The following RABEP1 variants were observed in gnomAD, a reference collection of about 807,000 sequenced individuals.
RABEP1 encodes rab GTPase-binding effector protein 1.
RABEP1 carries 51 observed loss-of-function variants against 123.4 expected under a neutral mutation model. The observed-to-expected ratio is 0.41, with a 90% CI of 0.33 to 0.52. RABEP1 has a LOEUF of 0.52. Among genes scored for constraint, RABEP1 ranks in the 20% least tolerant of loss-of-function variants. The pLI, the probability that RABEP1 is intolerant of heterozygous loss-of-function variation, is 0.16. For synonymous variants in RABEP1, 347 were observed against 355.2 expected (o/e 0.98, Z 0.26); for missense variants, 888 against 996.3 (o/e 0.89, Z 1.46).
chr17:5,299,786 A>G (rs1482126547), intron 1 of RABEP1, among the ~76,000 whole-genome samples: 2 of 133,310 alleles, frequency 1.5e-5, no homozygotes, highest in Non-Finnish European at 3.1e-5. Context: ...CTGGAGTGCA[A>G]TGGCGTGATC....
intron 6 of RABEP1, among the ~76,000 whole-genome samples, chr17:5,348,497 T>C (rs1908260023): frequency 6.6e-6 from 1 of 151,642 alleles, no homozygotes; most frequent in Non-Finnish European, 1.5e-5. Context: ...GACATAGAGG[T>C]CTTATGCTAA....
intron 2 of RABEP1, among the ~76,000 whole-genome samples, chr17:5,318,966 C>T (rs1261300017): frequency 2.6e-5 from 4 of 152,158 alleles, no homozygotes; most frequent in African/African-American, 7.2e-5. Context: ...CTGATTTGAT[C>T]ATTTCACAAT....
chr17:5,386,179 T>C lies in RABEP1; in HGVS notation c.*2956T>C. ...GTTTAAGCCTTCAATGGTGTTCAGTTCAGGTGTGAGTCAGCTCCTGGTGGT... is the reference window on the plus strand; with the variant it reads ...GTTTAAGCCTTCAATGGTGTTCAGTCCAGGTGTGAGTCAGCTCCTGGTGGT... On this transcript the variant is annotated 3_prime_UTR_variant, in exon 18 of 18. Coordinates refer to ENST00000537505, the MANE Select transcript of RABEP1 (RefSeq NM_004703.6). The C allele has an allele frequency of 6.3e-7, 1 of 1,580,566 alleles. No individual in the cohort carries two copies. Among genetic ancestry groups the C allele is most frequent in the Non-Finnish European group, 8.7e-7 (1 of 1,152,768 alleles).
Position 5,385,046 on chromosome 17 carries a change from TTTTTCTCCAGAA to T in RABEP1, c.*1824_*1835del, listed in dbSNP as rs1911835021. On this transcript the variant is annotated 3_prime_UTR_variant, in exon 18 of 18. Coordinates refer to ENST00000537505, the MANE Select transcript of RABEP1 (RefSeq NM_004703.6). ...GCTGAGACTGAGCACCTTACAGATA[TTTTTCTCCAGAA>T]GATGGTGCTGGGTAATAAAATCATC... The T allele has an allele frequency of 4.4e-6, 1 of 228,422 alleles. No individual in the cohort carries two copies. The highest frequency in any genetic ancestry group is 1.8e-4 in the South Asian group (1 of 5,476). 14.1% of individuals were successfully genotyped at this position (228,422 alleles called of 1,614,324 possible).
At chr17:5,323,038 G>T (rs1346179496) in intron 2 of RABEP1, among the ~76,000 whole-genome samples, 2 of 152,096 alleles carry the variant, frequency 1.3e-5, no homozygotes, top group Non-Finnish European at 2.9e-5. Context: ...TTATGCCACT[G>T]CACTCCAGCC....
At chr17:5,377,711 A>G (rs1911118123) in intron 14 of RABEP1, among the ~76,000 whole-genome samples, 1 of 151,970 alleles carries the variant, frequency 6.6e-6, no homozygotes, top group African/African-American at 2.4e-5. Context: ...TATTTTTAGT[A>G]GAGACGGGTT....
intron 2 of RABEP1, among the ~76,000 whole-genome samples, chr17:5,324,507 A>G (rs1245695581): frequency 6.6e-6 from 1 of 152,236 alleles, no homozygotes; most frequent in African/African-American, 2.4e-5. Flanking sequence ...TGGGAAACAG[A>G]CATTGGTCTG....
chr17:5,299,914 G>T (rs145594169), intron 1 of RABEP1, among the ~76,000 whole-genome samples: 1 of 151,488 alleles, frequency 6.6e-6, no homozygotes, highest in Non-Finnish European at 1.5e-5. Flanking sequence ...ATTTTTAGTA[G>T]AGATGGGGTT....
rs760895226 is a variant in RABEP1 at position 5,331,930 on chromosome 17, CTT to C, written c.164-16_164-15del. The stretch of plus-strand genomic sequence containing the variant: ...ATCAAAGTGAACATTAATGGACTAT[CTT>C]TTACTTTTCTCTCCAGAGGATCTGA... On this transcript the variant is annotated splice_polypyrimidine_tract_variant and intron_variant, in intron 2 of 17. Transcript: ENST00000537505. 6.3e-5 allele frequency: 101 copies of C among 1,609,358 alleles called. No homozygotes were observed. Among genetic ancestry groups the C allele is most frequent in the Non-Finnish European group, 8.4e-5 (99 of 1,176,012 alleles).
chr17:5,372,050 G>A (rs1910565469), intron 12 of RABEP1, among the ~76,000 whole-genome samples: 1 of 151,872 alleles, frequency 6.6e-6, no homozygotes, highest in South Asian at 2.1e-4. Flanking sequence ...TCTGATACTC[G>A]GATTTGGTGG....
chr17:5,333,894 G>A (rs1906798589), intron 3 of RABEP1, among the ~76,000 whole-genome samples: 1 of 152,174 alleles, frequency 6.6e-6, no homozygotes, highest in African/African-American at 2.4e-5. Flanking sequence ...CTTTCGCTTT[G>A]TTGACCAAGT....
At chr17:5,361,100 A>T (rs970609256) in intron 8 of RABEP1, 108 bp from the exon 9 acceptor site, 7 of 961,002 alleles carry the variant, frequency 7.3e-6, no homozygotes, top group African/African-American at 1.6e-5. Context: ...AAGGTAGCAC[A>T]TTAATGATTA....
intron 12 of RABEP1, among the ~76,000 whole-genome samples, chr17:5,369,444 G>A (rs996715617): frequency 2.0e-5 from 3 of 152,158 alleles, no homozygotes; most frequent in South Asian, 2.1e-4. Context: ...AAAGCCTTGG[G>A]TGGAATGGTC....
At chr17:5,340,542 C>T (rs920458731) in intron 5 of RABEP1, among the ~76,000 whole-genome samples, 3 of 150,356 alleles carry the variant, frequency 2.0e-5, no homozygotes, top group South Asian at 2.1e-4. Context: ...CAGGTATTTA[C>T]GCTAAAATGA....
intron 1 of RABEP1, among the ~76,000 whole-genome samples, chr17:5,287,126 A>C (rs573770330): frequency 6.6e-6 from 1 of 152,282 alleles, no homozygotes; most frequent in South Asian, 2.1e-4. Flanking sequence ...ATGAGGTCAG[A>C]GAGGTAACGA....
Position 5,361,319 on chromosome 17 carries a change from A to C in RABEP1, c.1207A>C (p.Arg403=). The C allele has an allele frequency of 6.2e-7, 1 of 1,614,190 alleles. No individual in the cohort carries two copies. Among genetic ancestry groups the C allele is most frequent in the Non-Finnish European group, 8.5e-7 (1 of 1,180,040 alleles). ...SDNDMFKDGL[R]RAQSTDSLGT... ...CAATGACATGTTTAAAGATGGACTC[A>C]GGAGAGCACAGTCTACAGACAGCTT... Residue 403 remains arginine (R), a synonymous_variant, in exon 9 of 18, where the codon AGG becomes CGG. Coordinates refer to ENST00000537505, the MANE Select transcript of RABEP1 (RefSeq NM_004703.6).
intron 5 of RABEP1, among the ~76,000 whole-genome samples, chr17:5,344,515 G>A (rs1907897318): frequency 6.6e-6 from 1 of 152,084 alleles, no homozygotes; most frequent in Non-Finnish European, 1.5e-5. Flanking sequence ...GCTCGTGCCT[G>A]TAATCCCAGC....
intron 6 of RABEP1, among the ~76,000 whole-genome samples, chr17:5,349,341 T>TA (rs1170370861): frequency 6.6e-6 from 1 of 152,178 alleles, no homozygotes; most frequent in Non-Finnish European, 1.5e-5. Context: ...AGCCAGAAGA[T>TA]AGATATATCA....
chr17:5,353,937 T>C (rs1439791750), intron 7 of RABEP1, among the ~76,000 whole-genome samples: 1 of 152,162 alleles, frequency 6.6e-6, no homozygotes, highest in Non-Finnish European at 1.5e-5. Flanking sequence ...GTGAACCATA[T>C]TTGCACCACT....
Sources: gnomAD v4.1 joint callset for allele counts (sites outside exome capture counted in the v4.1 genomes callset) on GRCh38, gnomAD v4.1.1 for gene constraint, MANE v1.5 for transcripts, NCBI Gene and HGNC (gene_info 2026-07-23, HGNC 2026-07-21) for gene names.